The following RAMACL variants were observed in gnomAD, a reference collection of about 807,000 sequenced individuals.
The protein encoded by RAMACL is RNA guanine-7 methyltransferase activating subunit like, also known as RNA guanine-N7 methyltransferase-activating subunit-like protein.
In RAMACL, 9 loss-of-function variants were observed where a neutral mutation model predicts 13.4. That is an observed-to-expected ratio of 0.67 (90% confidence interval 0.41 to 1.17). The LOEUF (loss-of-function observed/expected upper bound fraction) is 1.17. Among genes scored for constraint, RAMACL ranks in the 50% most tolerant of loss-of-function variants. RAMACL has a pLI of 0.01. For synonymous variants in RAMACL, 39 were observed against 49.3 expected (o/e 0.79, Z 0.88); for missense variants, 124 against 141.6 (o/e 0.88, Z 0.63).
chr6:166,586,431 G>A, exon 1 of RAMACL: 1 of 1,599,840 alleles, frequency 6.3e-7, no homozygotes, highest in South Asian at 1.1e-5. Flanking sequence ...GAATCTACTA[G>A]CAAACATCTC....
In RAMACL at chr6:166,586,133, G is replaced by C; in HGVS notation, c.345C>G (p.Tyr115Ter). 3 of 1,506,950 alleles carry C rather than the reference G, an allele frequency of 2.0e-6. No homozygotes were observed. The highest frequency in any genetic ancestry group is 2.7e-6 in the Non-Finnish European group (3 of 1,126,588). The allele number at this position is 1,506,950 out of a possible 1,614,324, so 93.3% of individuals were successfully genotyped here. ...GCCAACATTTCTATCAGTAGTAACCGTAAGGAGGCCGCTGGTTGTAACCAT... is the reference window on the plus strand; with the variant it reads ...GCCAACATTTCTATCAGTAGTAACCCTAAGGAGGCCGCTGGTTGTAACCAT... Residue 115 changes from tyrosine to a stop codon, truncating the protein, a stop_gained, in exon 1 of 1, where the codon TAC (tyrosine) becomes TAG (stop). Transcript: ENST00000444122. LOFTEE classifies it high-confidence loss of function.
At chr6:166,586,561 TC>T (rs1785181194) in exon 1 of RAMACL, 1 of 1,371,728 alleles carries the variant, frequency 7.3e-7, no homozygotes, top group Non-Finnish European at 9.9e-7. Context: ...TCTATCCAGC[TC>T]AGGCCGAACC....
At chr6:166,584,730 C>T (rs755409338), downstream of RAMACL, among the ~76,000 whole-genome samples, 23 of 152,222 alleles carry the variant, frequency 1.5e-4, no homozygotes, top group Admixed American at 1.0e-3. Context: ...AAAGGAGCTA[C>T]GCTGTCATGC....
At chr6:166,583,550 G>T (rs917326256), downstream of RAMACL, among the ~76,000 whole-genome samples, 1 of 152,210 alleles carries the variant, frequency 6.6e-6, no homozygotes, top group African/African-American at 2.4e-5. Flanking sequence ...CTACACCAGG[G>T]TTCCCCACCC....
downstream of RAMACL, among the ~76,000 whole-genome samples, chr6:166,585,185 T>C (rs113334411): frequency 1.3e-5 from 2 of 152,358 alleles, no homozygotes; most frequent in Admixed American, 6.5e-5. Flanking sequence ...TGAAAAAAGA[T>C]GCAGCTCTGG....
downstream of RAMACL, among the ~76,000 whole-genome samples, chr6:166,583,241 G>A (rs532434728): frequency 1.7e-3 from 256 of 152,202 alleles, 1 homozygote; most frequent in African/African-American, 5.9e-3. Flanking sequence ...AAAGCACACT[G>A]CCTCATCCAA....
downstream of RAMACL, among the ~76,000 whole-genome samples, chr6:166,585,295 T>G (rs1785133608): frequency 6.6e-6 from 1 of 152,238 alleles, no homozygotes; most frequent in African/African-American, 2.4e-5. Context: ...CTTTAGCTTC[T>G]TCATTATGAC....
chr6:166,586,583 G>C, exon 1 of RAMACL: 1 of 1,059,430 alleles, frequency 9.4e-7, no homozygotes. Flanking sequence ...CCGCCGGCGA[G>C]ACACTGAGAA....
At chr6:166,584,038 T>C (rs1785099651), downstream of RAMACL, among the ~76,000 whole-genome samples, 1 of 152,230 alleles carries the variant, frequency 6.6e-6, no homozygotes, top group African/African-American at 2.4e-5. Flanking sequence ...GTTAATAAAT[T>C]TAAAATGCCT....
chr6:166,583,528 C>A (rs1156382336), downstream of RAMACL, among the ~76,000 whole-genome samples: 1 of 152,202 alleles, frequency 6.6e-6, no homozygotes, highest in Non-Finnish European at 1.5e-5. Context: ...TGAAACACTG[C>A]GGAAGTCATG....
downstream of RAMACL, among the ~76,000 whole-genome samples, chr6:166,584,300 C>T (rs114066164): frequency 1.6e-3 from 240 of 152,334 alleles, no homozygotes; most frequent in African/African-American, 5.4e-3. Flanking sequence ...CTACTCCCAT[C>T]GAATCAGGGC....
downstream of RAMACL, among the ~76,000 whole-genome samples, chr6:166,585,090 C>T (rs867920065): frequency 3.3e-5 from 5 of 152,252 alleles, no homozygotes; most frequent in East Asian, 3.9e-4. Context: ...GTTGCTACAA[C>T]GATGTGGGGT....
At chr6:166,586,341 C>G in exon 1 of RAMACL, 1 of 1,599,584 alleles carries the variant, frequency 6.3e-7, no homozygotes, top group Non-Finnish European at 8.5e-7. Context: ...CCCACCAGCT[C>G]TGCTATTCCA....
At chr6:166,583,387 C>T (rs1175334233), downstream of RAMACL, among the ~76,000 whole-genome samples, 1 of 152,194 alleles carries the variant, frequency 6.6e-6, no homozygotes, top group African/African-American at 2.4e-5. Flanking sequence ...CACTTTGCCT[C>T]CTGTGAGTCT....
downstream of RAMACL, among the ~76,000 whole-genome samples, chr6:166,584,385 T>C (rs1785107956): frequency 6.6e-6 from 1 of 152,136 alleles, no homozygotes; most frequent in African/African-American, 2.4e-5. Flanking sequence ...ACACTGGGGG[T>C]TGGAGCTTCC....
At chr6:166,585,083 G>A (rs1179502099), downstream of RAMACL, among the ~76,000 whole-genome samples, 1 of 151,190 alleles carries the variant, frequency 6.6e-6, no homozygotes, top group Non-Finnish European at 1.5e-5. Flanking sequence ...TGACGATGTT[G>A]CTACAACGAT....
chr6:166,583,938 T>C (rs1037131670), downstream of RAMACL, among the ~76,000 whole-genome samples: 1 of 152,196 alleles, frequency 6.6e-6, no homozygotes, highest in African/African-American at 2.4e-5. Context: ...CCTTACCCCA[T>C]AGTGATAGTG....
downstream of RAMACL, among the ~76,000 whole-genome samples, chr6:166,585,412 T>C (rs2128518537): frequency 6.6e-6 from 1 of 152,292 alleles, no homozygotes; most frequent in South Asian, 2.1e-4. Context: ...GAACCTAATT[T>C]TCACATTTAC....
downstream of RAMACL, among the ~76,000 whole-genome samples, chr6:166,585,173 C>T (rs1785129008): frequency 1.3e-5 from 2 of 152,150 alleles, no homozygotes; most frequent in East Asian, 1.9e-4. Context: ...CCCTGAAATA[C>T]ATGAAAAAAG....
Sources: gnomAD v4.1 joint callset for allele counts (sites outside exome capture counted in the v4.1 genomes callset) on GRCh38, gnomAD v4.1.1 for gene constraint, MANE v1.5 for transcripts, NCBI Gene and HGNC (gene_info 2026-07-23, HGNC 2026-07-21) for gene names.